The following STAT4 variants were observed in gnomAD, a reference collection of about 807,000 sequenced individuals.
The protein encoded by STAT4 is signal transducer and activator of transcription 4.
STAT4 carries 42 observed loss-of-function variants against 110.5 expected under a neutral mutation model. That is an observed-to-expected ratio of 0.38 (90% confidence interval 0.30 to 0.49). The LOEUF is 0.49. Among genes scored for constraint, STAT4 ranks in the 20% least tolerant of loss-of-function variants. The pLI is 0.95. For missense variants in STAT4, 632 were observed against 887.9 expected (o/e 0.71, Z 3.66); for synonymous variants, 284 against 302.2 (o/e 0.94, Z 0.63).
At position 191,066,823 on chromosome 2, in the gene STAT4, T is replaced by G. The variant is rs1323965419; in HGVS notation, c.545-308A>C. Among the ~76,000 whole-genome samples the G allele has an allele frequency of 6.6e-6, 1 of 152,210 alleles. No individual in the cohort carries two copies. The highest frequency in any genetic ancestry group is 2.4e-5 in the African/African-American group (1 of 41,456). ...AAAGTTGCTGTAATGGATGCCTTAC[T>G]ATATACCTCCACATTAATTATATAC... On this transcript the variant is annotated intron_variant, in intron 6 of 23. Coordinates refer to ENST00000392320, the MANE Select transcript of STAT4 (RefSeq NM_003151.4). The surrounding 1 kb of genome is among the most constrained non-coding windows in gnomAD (Gnocchi z 4.3).
At position 191,147,091 on chromosome 2, in the gene STAT4, G is replaced by C. The variant is rs1291450313; in HGVS notation, c.129-334C>G. On this transcript the variant is annotated intron_variant, in intron 2 of 23. Transcript: ENST00000392320. The surrounding 1 kb of genome is among the most constrained non-coding windows in gnomAD (Gnocchi z 4.1). ...GGTCAATCACTGTGGAAAACTATAT[G>C]ACAGTTACCCAAAATATTAAACATA... 6.6e-6 allele frequency among the ~76,000 whole-genome samples: 1 copy of C among 151,982 alleles called. No individual in the cohort carries two copies. Among genetic ancestry groups the C allele is most frequent in the Non-Finnish European group, 1.5e-5 (1 of 67,952 alleles).
Position 191,066,205 on chromosome 2 carries a change from A to C in STAT4, c.630+225T>G, listed in dbSNP as rs554934044. ...CTTGAAATTAATGTTAGCTACAGTA[A>C]ATGTATCACATAAGCAAGATAAATA... On this transcript the variant is annotated intron_variant, in intron 7 of 23. Transcript: ENST00000392320. This position sits in a 1 kb window ranked among gnomAD's most constrained non-coding sequence, Gnocchi z 4.3. 6.6e-6 allele frequency among the ~76,000 whole-genome samples: 1 copy of C among 152,288 alleles called. No individual in the cohort carries two copies. Among genetic ancestry groups the C allele is most frequent in the Admixed American group, 6.5e-5 (1 of 15,290 alleles).
chr2:191,089,792 C>T (rs1697741171), intron 3 of STAT4, among the ~76,000 whole-genome samples: 1 of 152,130 alleles, frequency 6.6e-6, no homozygotes, highest in African/African-American at 2.4e-5. Flanking sequence ...CAAGTAAAAG[C>T]AGCCAACGTG....
In STAT4 at chr2:191,099,884, T is replaced by A. The variant is rs988529940; in HGVS notation, c.274-23559A>T. ...CATGAGTGTGTATGCAGTAAAAGTA[T>A]GAAAAGTTGGTGACCAAAATGTTAA... is the stretch of plus-strand genomic sequence containing the variant. On this transcript the variant is annotated intron_variant, in intron 3 of 23. Coordinates refer to ENST00000392320, the MANE Select transcript of STAT4 (RefSeq NM_003151.4). This position sits in a 1 kb window ranked among gnomAD's most constrained non-coding sequence, Gnocchi z 4.1. Among the ~76,000 whole-genome samples the A allele has an allele frequency of 6.6e-6, 1 of 152,170 alleles. No individual in the cohort carries two copies. Among genetic ancestry groups the A allele is most frequent in the Non-Finnish European group, 1.5e-5 (1 of 68,018 alleles).
Position 191,081,623 on chromosome 2 carries a change from G to T in STAT4, c.274-5298C>A, listed in dbSNP as rs60452306. 4.4e-3 allele frequency among the ~76,000 whole-genome samples: 666 copies of T among 152,224 alleles called. 7 individuals are homozygous for T. The highest frequency in any genetic ancestry group is 0.015 in the African/African-American group (624 of 41,536). ...ATGAGCATTTTTTTCACATTTGTTG[G>T]CTGCATAAATGTCTTCTTTTGGGGA... On this transcript the variant is annotated intron_variant, in intron 3 of 23. Transcript: ENST00000392320.
In STAT4 at chr2:191,113,588, A is replaced by G. The variant is rs1698485553; in HGVS notation, c.273+33025T>C. Among the ~76,000 whole-genome samples the G allele has an allele frequency of 6.6e-6, 1 of 152,248 alleles. No individual in the cohort carries two copies. Among genetic ancestry groups the G allele is most frequent in the South Asian group, 2.1e-4 (1 of 4,836 alleles). ...AACTTTTGGCTTCACAGGGAGATGTAAGAAGGCAATTAGGTACCATTAGGG... is the reference window on the plus strand; with the variant it reads ...AACTTTTGGCTTCACAGGGAGATGTGAGAAGGCAATTAGGTACCATTAGGG... On this transcript the variant is annotated intron_variant, in intron 3 of 23. Transcript: ENST00000392320. The surrounding 1 kb of genome is among the most constrained non-coding windows in gnomAD (Gnocchi z 4.8).
intron 3 of STAT4, among the ~76,000 whole-genome samples, chr2:191,079,235 T>TCACACACACACACACACACGCACACACA (rs147894714): frequency 6.6e-6 from 1 of 151,080 alleles, no homozygotes; most frequent in Non-Finnish European, 1.5e-5. Flanking sequence ...ACTTGTCAAG[T>TCACACACACACACACACACGCACACACA]CACGCACACA....
chr2:191,130,945 T>C (rs1699019175), intron 3 of STAT4, among the ~76,000 whole-genome samples: 1 of 87,990 alleles, frequency 1.1e-5, no homozygotes, highest in Non-Finnish European at 2.4e-5. Context: ...ATTAAATGCA[T>C]TTATTAAAAA....
At chr2:191,101,627 T>C (rs1190521938) in intron 3 of STAT4, among the ~76,000 whole-genome samples, 1 of 152,144 alleles carries the variant, frequency 6.6e-6, no homozygotes, top group East Asian at 1.9e-4. Flanking sequence ...CTCATTCATT[T>C]ATGGTTTTCA....
At chr2:191,080,459 C>A (rs1697431018) in intron 3 of STAT4, among the ~76,000 whole-genome samples, 1 of 152,110 alleles carries the variant, frequency 6.6e-6, no homozygotes, top group Non-Finnish European at 1.5e-5. Context: ...GACAGCAATG[C>A]ATATTTCTGT....
Position 191,099,991 on chromosome 2 carries a change from C to A in STAT4, c.274-23666G>T, listed in dbSNP as rs942545659. Among the ~76,000 whole-genome samples the A allele has an allele frequency of 1.3e-5, 2 of 151,822 alleles. No individual in the cohort carries two copies. Among genetic ancestry groups the A allele is most frequent in the Non-Finnish European group, 2.9e-5 (2 of 67,972 alleles). ...CTTTTCATTATCATTTGACTTTTTA[C>A]AAAGATTTGCATTATTTAAGCAATC... On this transcript the variant is annotated intron_variant, in intron 3 of 23. Coordinates refer to ENST00000392320, the MANE Select transcript of STAT4 (RefSeq NM_003151.4). The surrounding 1 kb of genome is among the most constrained non-coding windows in gnomAD (Gnocchi z 4.1).
chr2:191,084,781 G>T (rs1697589570), intron 3 of STAT4, among the ~76,000 whole-genome samples: 1 of 151,838 alleles, frequency 6.6e-6, no homozygotes, highest in Non-Finnish European at 1.5e-5. Flanking sequence ...CTGACGTAGG[G>T]CCAGAATCTA....
chr2:191,106,099 G>T (rs948702099), intron 3 of STAT4, among the ~76,000 whole-genome samples: 2 of 152,122 alleles, frequency 1.3e-5, no homozygotes, highest in African/African-American at 4.8e-5. Flanking sequence ...GTAATATTAA[G>T]AGTTGAATTA....
chr2:191,088,984 C>T (rs1337479080), intron 3 of STAT4, among the ~76,000 whole-genome samples: 3 of 152,036 alleles, frequency 2.0e-5, no homozygotes, highest in South Asian at 2.1e-4. Flanking sequence ...AAACTATAAA[C>T]GTCTTAGAAG....
Position 191,143,158 on chromosome 2 carries a change from T to C in STAT4, c.273+3455A>G, listed in dbSNP as rs376007441. Among the ~76,000 whole-genome samples, 36 of 152,304 alleles carry C rather than the reference T, an allele frequency of 2.4e-4. No homozygotes were observed. In the East Asian group the frequency reaches 6.4e-3, roughly 27 times the overall value. On this transcript the variant is annotated intron_variant, in intron 3 of 23. Transcript: ENST00000392320. This position sits in a 1 kb window ranked among gnomAD's most constrained non-coding sequence, Gnocchi z 5.6. Reference sequence around the variant, plus strand: ...TACTCTTAAAAATAAACTGCACTAATTTTTTTAAGGTCCATTAATTTTCTT... The same window carrying C: ...TACTCTTAAAAATAAACTGCACTAACTTTTTTAAGGTCCATTAATTTTCTT...
chr2:191,084,861 T>C (rs576016893), intron 3 of STAT4, among the ~76,000 whole-genome samples: 164 of 152,034 alleles, frequency 1.1e-3, no homozygotes, highest in African/African-American at 3.8e-3. Context: ...ATTATAAAAA[T>C]ATAAAAAGTT....
At chr2:191,040,512 A>C (rs768667111) in intron 15 of STAT4, among the ~76,000 whole-genome samples, 7 of 152,120 alleles carry the variant, frequency 4.6e-5, no homozygotes, top group Non-Finnish European at 1.0e-4. Context: ...AAATTATTTA[A>C]TGTATATAAA....
chr2:191,046,603 T>G lies in STAT4; in HGVS notation c.1252-5455A>C, dbSNP rs755318035. Among the ~76,000 whole-genome samples the G allele has an allele frequency of 3.9e-5, 6 of 152,162 alleles. No homozygotes were observed. Among genetic ancestry groups the G allele is most frequent in the Non-Finnish European group, 8.8e-5 (6 of 68,016 alleles). On this transcript the variant is annotated intron_variant, in intron 14 of 23. Transcript: ENST00000392320. The surrounding 1 kb of genome is among the most constrained non-coding windows in gnomAD (Gnocchi z 4.6). ...CATTGCCTTAACCCCACAGAAGACT[T>G]TCTTTGTAGGGAGGACTGCAGCTGG...
In STAT4 at chr2:191,069,777, C is replaced by T. The variant is rs1405945614; in HGVS notation, c.466-6G>A. On this transcript the variant is annotated splice_region_variant and splice_polypyrimidine_tract_variant and intron_variant, in intron 5 of 23. Transcript: ENST00000392320. ...TTGGTATCTTGTTCTGTCATCTTTT[C>T]ACAAAAGAAAACATACTCACTCTGC... 1 of 1,601,698 alleles carries T rather than the reference C, an allele frequency of 6.2e-7. No homozygotes were observed. The highest frequency in any genetic ancestry group is 1.3e-5 in the African/African-American group (1 of 74,362).
Sources: allele counts gnomAD v4.1 joint callset (sites outside exome capture counted in the v4.1 genomes callset), GRCh38; gene constraint gnomAD v4.1.1; non-coding constraint Gnocchi (gnomAD v3.1); transcripts MANE v1.5; gene names NCBI Gene and HGNC (gene_info 2026-07-23, HGNC 2026-07-21).